ITGB3BP: variants seen among roughly 807,000 people sequenced by gnomAD.
ITGB3BP encodes centromere protein R.
In ITGB3BP, 27 loss-of-function variants were observed where a neutral mutation model predicts 29.1. The ratio of observed to expected loss-of-function variants is 0.93; its 90% CI spans 0.68 to 1.28. The LOEUF (loss-of-function observed/expected upper bound fraction) is 1.28. Among genes scored for constraint, ITGB3BP ranks in the 50% most tolerant of loss-of-function variants. The probability of loss-of-function intolerance (pLI) is 0.00; values close to 1 mark genes in which losing one functional copy is unlikely to be tolerated. For synonymous variants in ITGB3BP, 61 were observed against 61.4 expected, an observed-to-expected ratio of 0.99 and a Z score of 0.03; for missense variants, 192 against 200.2, an observed-to-expected ratio of 0.96 and a Z score of 0.25.
chr1:63,494,628 G>A (rs1442606759), intron 2 of ITGB3BP, among the ~76,000 whole-genome samples: 1 of 152,050 alleles, frequency 6.6e-6, no homozygotes, highest in African/African-American at 2.4e-5. Context: ...TTATACACTC[G>A]AGATCTTTGA....
intron 2 of ITGB3BP, among the ~76,000 whole-genome samples, chr1:63,492,644 A>G (rs1645677045): frequency 6.6e-6 from 1 of 152,190 alleles, no homozygotes; most frequent in Non-Finnish European, 1.5e-5. Context: ...CTACTAACTG[A>G]GAAGTCAGCA....
chr1:63,507,467 CAAAGAACAGCTTTGGGGTAGG>C (rs1384669967), intron 2 of ITGB3BP, among the ~76,000 whole-genome samples: 2 of 152,218 alleles, frequency 1.3e-5, no homozygotes, highest in African/African-American at 4.8e-5. Flanking sequence ...TACCATCTCC[CAAAGAACAGCTTTGGGGTAGG>C]AAAGAACAGT....
At chr1:63,514,854 G>A (rs1166389033) in intron 1 of ITGB3BP, among the ~76,000 whole-genome samples, 3 of 149,402 alleles carry the variant, frequency 2.0e-5, no homozygotes, top group Admixed American at 6.7e-5. Context: ...GCTGAGACAG[G>A]AGAATCGCTT....
At chr1:63,456,823 C>A (rs777094668) in intron 4 of ITGB3BP, among the ~76,000 whole-genome samples, 1 of 152,086 alleles carries the variant, frequency 6.6e-6, no homozygotes, top group Non-Finnish European at 1.5e-5. Flanking sequence ...GTAAATGGTG[C>A]CCCCCAAAGT....
chr1:63,502,148 T>C (rs1163886440), intron 2 of ITGB3BP, among the ~76,000 whole-genome samples: 1 of 152,202 alleles, frequency 6.6e-6, no homozygotes, highest in Non-Finnish European at 1.5e-5. Flanking sequence ...CAACAGTTTG[T>C]AATATATAAT....
Position 63,478,810 on chromosome 1 carries a change from G to A in ITGB3BP, c.208C>T (p.Pro70Ser). The A allele has an allele frequency of 1.4e-6, 2 of 1,437,336 alleles. No individual in the cohort carries two copies. Among genetic ancestry groups the A allele is most frequent in the East Asian group, 2.5e-5 (1 of 39,800 alleles). The allele number at this position is 1,437,336 out of a possible 1,614,324, so 89.0% of individuals were successfully genotyped here. The stretch of plus-strand genomic sequence containing the variant: ...GATTCTTTGCTTTCAGTTAAACTGG[G>A]GTGATTCAATTTTTTTCTCTTTTCT... The part of the protein sequence containing the change: ...SNEKRKKLNH[P>S]SLTESKESTT... Residue 70 changes from proline (P) to serine (S), a missense_variant, in exon 4 of 9, where the codon CCC becomes TCC. Coordinates refer to ENST00000271002, the MANE Select transcript of ITGB3BP (RefSeq NM_014288.5).
chr1:63,508,112 G>A (rs532316140), intron 2 of ITGB3BP, among the ~76,000 whole-genome samples: 1 of 152,226 alleles, frequency 6.6e-6, no homozygotes, highest in African/African-American at 2.4e-5. Flanking sequence ...GCTGAGGAAG[G>A]TAATTACATT....
At chr1:63,469,551 C>T (rs577189930) in intron 4 of ITGB3BP, among the ~76,000 whole-genome samples, 409 of 152,260 alleles carry the variant, frequency 2.7e-3, no homozygotes, top group African/African-American at 9.6e-3. Flanking sequence ...GTCTCGAACT[C>T]CCGACCTCAG....
rs189490309 is a variant in ITGB3BP, at chr1:63,513,634, C to A, written c.6-5064G>T. Among the ~76,000 whole-genome samples the A allele has an allele frequency of 4.6e-3, 693 of 152,244 alleles. 5 individuals are homozygous for A. Among genetic ancestry groups the A allele is most frequent in the African/African-American group, 0.015 (626 of 41,564 alleles). On this transcript the variant is annotated intron_variant, in intron 1 of 8. Transcript: ENST00000271002. ...CTGGAACACACATCACACACACACA[C>A]AAAAACATTTCTATCTACCTCTATC... is the stretch of plus-strand genomic sequence containing the variant.
chr1:63,486,697 C>T (rs932718051), intron 3 of ITGB3BP, among the ~76,000 whole-genome samples: 7 of 151,938 alleles, frequency 4.6e-5, no homozygotes, highest in Non-Finnish European at 8.8e-5. Flanking sequence ...TTTCTCTGCT[C>T]ATTGGGAGCA....
chr1:63,475,466 G>A (rs192537972), intron 4 of ITGB3BP, among the ~76,000 whole-genome samples: 4 of 152,230 alleles, frequency 2.6e-5, no homozygotes, highest in Non-Finnish European at 5.9e-5. Context: ...GAGGTGGGAG[G>A]ATAACTCGAG....
intron 2 of ITGB3BP, among the ~76,000 whole-genome samples, chr1:63,492,830 T>C (rs1645683967): frequency 6.6e-6 from 1 of 152,122 alleles, no homozygotes; most frequent in Non-Finnish European, 1.5e-5. Context: ...CGATGTCAGC[T>C]GGGCAGGGCA....
At chr1:63,526,769 A>T (rs1291572591), upstream of ITGB3BP, among the ~76,000 whole-genome samples, 3 of 147,614 alleles carry the variant, frequency 2.0e-5, no homozygotes, top group South Asian at 2.1e-4. Flanking sequence ...CATCCAATAA[A>T]TTTTTTTTTT....
chr1:63,444,350 G>A (rs1305147294), intron 8 of ITGB3BP, among the ~76,000 whole-genome samples: 1 of 151,410 alleles, frequency 6.6e-6, no homozygotes, highest in African/African-American at 2.4e-5. Flanking sequence ...TATGTTCTCT[G>A]TTGGATTTTC....
At chr1:63,445,700 T>C (rs1485716947) in intron 8 of ITGB3BP, among the ~76,000 whole-genome samples, 1 of 151,178 alleles carries the variant, frequency 6.6e-6, no homozygotes, top group Non-Finnish European at 1.5e-5. Context: ...GCTCAAGTGA[T>C]CCTCCCAACT....
intron 4 of ITGB3BP, among the ~76,000 whole-genome samples, chr1:63,472,658 G>A (rs1645225032): frequency 1.3e-5 from 2 of 150,102 alleles, no homozygotes; most frequent in Non-Finnish European, 3.0e-5. Context: ...TTTTTTTTTG[G>A]TGGAGACGGG....
intron 2 of ITGB3BP, among the ~76,000 whole-genome samples, chr1:63,508,313 A>G (rs969285225): frequency 6.6e-6 from 1 of 152,102 alleles, no homozygotes; most frequent in Non-Finnish European, 1.5e-5. Flanking sequence ...TTGCTTCTTA[A>G]CTGAACACCT....
chr1:63,488,585 T>C (rs1041172052), intron 3 of ITGB3BP, among the ~76,000 whole-genome samples: 1 of 152,054 alleles, frequency 6.6e-6, no homozygotes, highest in Non-Finnish European at 1.5e-5. Context: ...AAATCAAGCT[T>C]TTTTATTTTT....
chr1:63,525,577 C>G (rs767896192), upstream of ITGB3BP: 2 of 1,491,654 alleles, frequency 1.3e-6, no homozygotes, highest in Admixed American at 2.7e-5. Flanking sequence ...AATAGAATGG[C>G]GATCAGTCCA....
Sources: gnomAD v4.1 joint callset for allele counts (sites outside exome capture counted in the v4.1 genomes callset) on GRCh38, gnomAD v4.1.1 for gene constraint, MANE v1.5 for transcripts, NCBI Gene and HGNC (gene_info 2026-07-23, HGNC 2026-07-21) for gene names.